The following CAMK4 variants were observed in gnomAD, a reference collection of about 807,000 sequenced individuals.
The protein encoded by CAMK4 is calcium/calmodulin dependent protein kinase IV.
CAMK4 carries 22 observed loss-of-function variants against 44.9 expected under a neutral mutation model. The observed-to-expected ratio is 0.49, with a 90% CI of 0.35 to 0.70. CAMK4 has a LOEUF of 0.70. Ranked by LOEUF, CAMK4 falls within the 30% of genes least tolerant of loss-of-function variation. CAMK4 has a pLI of 0.01. For synonymous variants in CAMK4, 218 were observed against 215.4 expected (o/e 1.01, Z -0.11); for missense variants, 498 against 586.8 (o/e 0.85, Z 1.56).
At position 111,328,492 on chromosome 5, in the gene CAMK4, G is replaced by A. The variant is rs188395352; in HGVS notation, c.162-15532G>A. 2.4e-3 allele frequency among the ~76,000 whole-genome samples: 365 copies of A among 152,086 alleles called. 2 individuals are homozygous for A. Among genetic ancestry groups the A allele is most frequent in the African/African-American group, 8.4e-3 (347 of 41,494 alleles). ...TGGCTTAGGAGTGACTTGGCGATGC[G>A]GGCTCTTTTTTGGTTCCATATGAAC... is the stretch of plus-strand genomic sequence containing the variant. On this transcript the variant is annotated intron_variant, in intron 1 of 10. Coordinates refer to ENST00000282356, the MANE Select transcript of CAMK4 (RefSeq NM_001744.6).
At chr5:111,235,088 T>C (rs1748653568) in intron 1 of CAMK4, among the ~76,000 whole-genome samples, 1 of 152,216 alleles carries the variant, frequency 6.6e-6, no homozygotes, top group Non-Finnish European at 1.5e-5. Flanking sequence ...TTTTCATTGC[T>C]CAGAATGTTG....
intron 4 of CAMK4, among the ~76,000 whole-genome samples, chr5:111,377,831 G>A (rs929646740): frequency 1.3e-5 from 2 of 152,086 alleles, no homozygotes; most frequent in Non-Finnish European, 2.9e-5. Flanking sequence ...TTATGGGGAA[G>A]ACAGAAGAGA....
chr5:111,336,238 G>A (rs753026200), intron 1 of CAMK4, among the ~76,000 whole-genome samples: 4 of 151,250 alleles, frequency 2.6e-5, no homozygotes, highest in Middle Eastern at 3.4e-3. Flanking sequence ...ATCCTCTAAT[G>A]TATAATCTCC....
At chr5:111,449,005 C>A (rs1210068141) in intron 6 of CAMK4, 124 bp from the exon 7 acceptor site, 3 of 521,240 alleles carry the variant, frequency 5.8e-6, no homozygotes, top group Non-Finnish European at 1.0e-5. Flanking sequence ...CCCACCTTCA[C>A]CCCATCATCA....
chr5:111,341,533 G>T (rs576342910), intron 1 of CAMK4, among the ~76,000 whole-genome samples: 1 of 150,054 alleles, frequency 6.7e-6, no homozygotes, highest in Non-Finnish European at 1.5e-5. Context: ...GACTATTTTT[G>T]GATCCTTTTT....
At chr5:111,391,302 G>A (rs771775812) in intron 4 of CAMK4, among the ~76,000 whole-genome samples, 2 of 152,076 alleles carry the variant, frequency 1.3e-5, no homozygotes, top group Non-Finnish European at 2.9e-5. Context: ...AGAAACTTAA[G>A]AGCCATGAAA....
chr5:111,298,834 G>A (rs928631326), intron 1 of CAMK4, among the ~76,000 whole-genome samples: 5 of 152,234 alleles, frequency 3.3e-5, no homozygotes, highest in South Asian at 2.1e-4. Context: ...CCCGTGCCCC[G>A]TTAGGAACAC....
At chr5:111,478,314 A>C in intron 8 of CAMK4, 67 bp from the exon 9 acceptor site, 1 of 1,055,586 alleles carries the variant, frequency 9.5e-7, no homozygotes, top group South Asian at 1.7e-5. Context: ...CTGAATTCCT[A>C]CAGAAATTGG....
chr5:111,425,949 A>G (rs1419454212), intron 5 of CAMK4, among the ~76,000 whole-genome samples: 1 of 152,212 alleles, frequency 6.6e-6, no homozygotes, highest in African/African-American at 2.4e-5. Flanking sequence ...CAGACAATTT[A>G]AAGAATAGTG....
At chr5:111,440,164 C>G (rs1383402457) in intron 5 of CAMK4, among the ~76,000 whole-genome samples, 1 of 151,908 alleles carries the variant, frequency 6.6e-6, no homozygotes, top group African/African-American at 2.4e-5. Context: ...TAATGTGATG[C>G]AAGGGAACAA....
chr5:111,344,089 T>A lies in CAMK4; in HGVS notation c.227T>A (p.Val76Glu). ...ACCCAGAAGCCTTATGCTCTCAAAG[T>A]GTTAAAGAAAACAGTAAGTTTATTT... ...KGTQKPYALK[V>E]LKKTVDKKIV... Residue 76 changes from valine (V) to glutamate (E), a missense_variant, in exon 2 of 11, where the codon GTG (valine) becomes GAG (glutamate). Around this residue, in one of 3 missense-constraint regions of CAMK4, gnomAD observed 152 missense variants for 143.7 expected, o/e 1.06. Transcript: ENST00000282356. The A allele has an allele frequency of 6.3e-7, 1 of 1,597,394 alleles. No individual in the cohort carries two copies. The highest frequency in any genetic ancestry group is 2.2e-5 in the East Asian group (1 of 44,670).
chr5:111,340,055 T>C (rs1224455417), intron 1 of CAMK4, among the ~76,000 whole-genome samples: 2 of 151,310 alleles, frequency 1.3e-5, no homozygotes, highest in Admixed American at 6.6e-5. Flanking sequence ...CCAACTGATT[T>C]TTTAATGTTG....
chr5:111,360,018 G>A (rs1750526167), intron 2 of CAMK4, among the ~76,000 whole-genome samples: 1 of 151,970 alleles, frequency 6.6e-6, no homozygotes, highest in African/African-American at 2.4e-5. Flanking sequence ...GTGGGTGAGT[G>A]TCAAATCAAA....
intron 2 of CAMK4, among the ~76,000 whole-genome samples, chr5:111,369,618 T>C (rs1750929349): frequency 1.3e-5 from 2 of 152,166 alleles, no homozygotes; most frequent in Non-Finnish European, 2.9e-5. Flanking sequence ...AAGTTTTGCA[T>C]TCAATTGTTG....
intron 2 of CAMK4, among the ~76,000 whole-genome samples, chr5:111,355,730 T>C (rs1347297363): frequency 6.7e-6 from 1 of 149,280 alleles, no homozygotes; most frequent in East Asian, 2.0e-4. Context: ...TCAATTCCCA[T>C]CTATGAGTGA....
chr5:111,354,540 A>C (rs570054255), intron 2 of CAMK4, among the ~76,000 whole-genome samples: 1 of 151,996 alleles, frequency 6.6e-6, no homozygotes, highest in Non-Finnish European at 1.5e-5. Context: ...CACATTGTAC[A>C]CTAAATGTGT....
rs141190831 is a variant in CAMK4 at position 111,494,653 on chromosome 5, T to TGGG, written c.*10193_*10195dup. 4 of 126,844 alleles carry TGGG rather than the reference T, an allele frequency of 3.2e-5. No homozygotes were observed. The highest frequency in any genetic ancestry group is 1.2e-4 in the African/African-American group (4 of 33,388). 7.9% of individuals were successfully genotyped at this position (126,844 alleles called of 1,614,324 possible). On this transcript the variant is annotated 3_prime_UTR_variant, in exon 11 of 11. Transcript: ENST00000282356. ...ATTCAGTAATTAAATATGTAAATTT[T>TGGG]GGGGGGGGTTGGGGGGTGTTTTCTA... is the stretch of plus-strand genomic sequence containing the variant.
intron 2 of CAMK4, among the ~76,000 whole-genome samples, chr5:111,367,743 C>G (rs1182659978): frequency 1.1e-4 from 16 of 152,060 alleles, no homozygotes; most frequent in Admixed American, 9.2e-4. Context: ...AAAAGTTAAC[C>G]CATGGGCCAA....
At position 111,224,596 on chromosome 5, in the gene CAMK4, A is replaced by C; in HGVS notation, c.113A>C (p.Asn38Thr). 1.2e-6 allele frequency: 2 copies of C among 1,612,134 alleles called. No individual in the cohort carries two copies. The highest frequency in any genetic ancestry group is 1.7e-6 in the Non-Finnish European group (2 of 1,179,634). ...CCGGATTACTGGATCGACGGCTCCA[A>C]CAGGGATGCGCTGAGCGATTTCTTC... ...LVPDYWIDGSNRDALSDFFEV... is the reference protein window; with the variant it reads ...LVPDYWIDGSTRDALSDFFEV... The change falls in exon 1 of 11, where the codon AAC becomes ACC. Residue 38 changes from asparagine (N) to threonine (T), a missense_variant. By Grantham distance (65) the Asn-to-Thr change is moderately conservative. Transcript: ENST00000282356. This position sits in a 1 kb window ranked among gnomAD's most constrained non-coding sequence, Gnocchi z 5.7.
Sources: allele counts gnomAD v4.1 joint callset (sites outside exome capture counted in the v4.1 genomes callset), GRCh38; gene constraint gnomAD v4.1.1; regional missense constraint gnomAD v4.1.1; non-coding constraint Gnocchi (gnomAD v3.1); transcripts MANE v1.5; gene names NCBI Gene and HGNC (gene_info 2026-07-23, HGNC 2026-07-21).